The following ZNF780A variants were observed in gnomAD, a reference collection of about 807,000 sequenced individuals.
The protein encoded by ZNF780A is zinc finger protein 780A.
In ZNF780A, 40 loss-of-function variants were observed where a neutral mutation model predicts 56.7. The observed-to-expected ratio is 0.71, with a 90% CI of 0.55 to 0.92. ZNF780A has a LOEUF of 0.92. Ranked by LOEUF, ZNF780A falls within the 40% of genes least tolerant of loss-of-function variation. ZNF780A has a pLI of 0.00. For missense variants in ZNF780A, 672 were observed against 783.3 expected (o/e 0.86, Z 1.70); for synonymous variants, 231 against 248.3 (o/e 0.93, Z 0.66).
chr19:40,083,052 G>A, intron 4 of ZNF780A, 59 bp downstream of exon 4: 1 of 1,613,116 alleles, frequency 6.2e-7, no homozygotes, highest in Admixed American at 1.7e-5. Flanking sequence ...AATTCACGGT[G>A]AAGAAAGCTG....
At chr19:40,077,882 C>CAA (rs1212498266) in intron 5 of ZNF780A, among the ~76,000 whole-genome samples, 7 of 111,626 alleles carry the variant, frequency 6.3e-5, no homozygotes, top group East Asian at 2.5e-4. Flanking sequence ...CAGGAAATAA[C>CAA]AAAAAAAAAA....
Position 40,075,686 on chromosome 19 carries a change from C to G in ZNF780A, c.756G>C (p.Lys252Asn). 6.2e-7 allele frequency: 1 copy of G among 1,614,086 alleles called. No homozygotes were observed. Among genetic ancestry groups the G allele is most frequent in the Non-Finnish European group, 8.5e-7 (1 of 1,180,020 alleles). The stretch of plus-strand genomic sequence containing the variant: ...TACGATTAAAGGACTTCCCACATTC[C>G]TTACATTCAAACAGTTTCTCACCTG... ...IHTGEKLFEC[K>N]ECGKSFNRSS... The change falls in exon 6 of 6, where the codon AAG becomes AAC. Residue 252 changes from lysine (K) to asparagine (N), a missense_variant. Coordinates refer to ENST00000683561, the MANE Select transcript of ZNF780A (RefSeq NM_001142578.2).
intron 4 of ZNF780A, among the ~76,000 whole-genome samples, chr19:40,082,337 C>T (rs987043811): frequency 1.3e-5 from 2 of 152,144 alleles, no homozygotes; most frequent in Non-Finnish European, 2.9e-5. Flanking sequence ...ATGCAAAATA[C>T]TTCTAACATT....
downstream of ZNF780A, chr19:40,070,970 G>A (rs1267470630): frequency 6.6e-6 from 1 of 152,090 alleles, no homozygotes; most frequent in Non-Finnish European, 1.5e-5. Context: ...ATAAAAAATA[G>A]GAACATGAGA....
chr19:40,086,665 C>A lies in ZNF780A; in HGVS notation c.-45-1867G>T, dbSNP rs1228258878. Among the ~76,000 whole-genome samples the A allele has an allele frequency of 2.6e-5, 4 of 152,230 alleles. No homozygotes were observed. In the East Asian group the frequency reaches 5.8e-4, roughly 22 times the overall value. ...TTCTTATAGAATTCTTATACAAAAACCCTATCTTAGTATATGGGATTCATA... is the reference window on the plus strand; with the variant it reads ...TTCTTATAGAATTCTTATACAAAAAACCTATCTTAGTATATGGGATTCATA... On this transcript the variant is annotated intron_variant, in intron 2 of 5. Coordinates refer to ENST00000683561, the MANE Select transcript of ZNF780A (RefSeq NM_001142578.2).
At chr19:40,083,342 A>G in intron 3 of ZNF780A, 105 bp from the exon 4 acceptor site, 1 of 1,520,472 alleles carries the variant, frequency 6.6e-7, no homozygotes, top group Non-Finnish European at 8.9e-7. Flanking sequence ...CAATATGGAA[A>G]TTCACAGAGT....
At chr19:40,081,650 G>A (rs1322210470) in intron 5 of ZNF780A, among the ~76,000 whole-genome samples, 169 bp downstream of exon 5, 2 of 152,128 alleles carry the variant, frequency 1.3e-5, no homozygotes, top group Non-Finnish European at 2.9e-5. Context: ...CCTTGGTGAT[G>A]GCTTCTGCTG....
chr19:40,072,847 G>A (rs1255761997), downstream of ZNF780A: 1 of 1,528,930 alleles, frequency 6.5e-7, no homozygotes, highest in East Asian at 2.5e-5. Flanking sequence ...CAAAATTTGA[G>A]CGCCTACATT....
At position 40,075,239 on chromosome 19, in the gene ZNF780A, G is replaced by A; in HGVS notation, c.1203C>T (p.Ser401=). Residue 401 remains serine (S), a synonymous_variant, in exon 6 of 6, where the codon AGC becomes AGT. Transcript: ENST00000683561. Reference sequence around the variant, plus strand: ...TACTCTGATGTTGAACAAGGTTTGAGCTACGATTAAAGGACTTCCCACATT... The same window carrying A: ...TACTCTGATGTTGAACAAGGTTTGAACTACGATTAAAGGACTTCCCACATT... ...CKECGKSFNR[S]SNLVQHQSIH... 1.2e-6 allele frequency: 2 copies of A among 1,612,518 alleles called. No homozygotes were observed. Among genetic ancestry groups the A allele is most frequent in the African/African-American group, 1.3e-5 (1 of 74,534 alleles).
rs528210905 is a variant in ZNF780A at position 40,078,200 on chromosome 19, G to A, written c.233-1991C>T. Among the ~76,000 whole-genome samples the A allele has an allele frequency of 4.6e-5, 7 of 151,842 alleles. No homozygotes were observed. The South Asian group carries it at 1.5e-3, about 32-fold the overall frequency. On this transcript the variant is annotated intron_variant, in intron 5 of 5. Coordinates refer to ENST00000683561, the MANE Select transcript of ZNF780A (RefSeq NM_001142578.2). Reference sequence around the variant, plus strand: ...CAACAACAGACTAGATCAAGTAGAAGAATCTCAGAACATAAAGCCAATTCT... The same window carrying A: ...CAACAACAGACTAGATCAAGTAGAAAAATCTCAGAACATAAAGCCAATTCT...
At chr19:40,083,318 G>A (rs945740356) in intron 3 of ZNF780A, 81 bp from the exon 4 acceptor site, 9 of 1,571,498 alleles carry the variant, frequency 5.7e-6, no homozygotes, top group Non-Finnish European at 7.8e-6. Flanking sequence ...AAGGAGTGTA[G>A]TGTAAGAAAA....
In ZNF780A at chr19:40,081,132, CT is replaced by C. The variant is rs565181268; in HGVS notation, c.232+686del. Among the ~76,000 whole-genome samples the C allele has an allele frequency of 3.3e-5, 5 of 151,622 alleles. No individual in the cohort carries two copies. The South Asian group carries it at 1.0e-3, about 32-fold the overall frequency. On this transcript the variant is annotated intron_variant, in intron 5 of 5. Transcript: ENST00000683561. ...AAACGCTTCTGCAGAGCAAAGGAAACTATCATCGGAGGGAATAGACAAAATT... is the reference window on the plus strand; with the variant it reads ...AAACGCTTCTGCAGAGCAAAGGAAACATCATCGGAGGGAATAGACAAAATT...
chr19:40,071,736 A>T (rs1217728208), downstream of ZNF780A: 1 of 152,458 alleles, frequency 6.6e-6, no homozygotes, highest in Non-Finnish European at 1.5e-5. Flanking sequence ...CTGACAGTGA[A>T]ATATGCCATA....
rs1190379597 is a variant in ZNF780A, at chr19:40,075,981, TGAG to T, written c.458_460del (p.Pro153del). On this transcript the variant is annotated inframe_deletion, in exon 6 of 6. Coordinates refer to ENST00000683561, the MANE Select transcript of ZNF780A (RefSeq NM_001142578.2). ...ATGTGTATTGCAAATAAGAGAAGCA[TGAG>T]GAGTATGAGTAGGCAGTTTTTCATA... is the stretch of plus-strand genomic sequence containing the variant. 6.2e-7 allele frequency: 1 copy of T among 1,613,246 alleles called. No individual in the cohort carries two copies. Among genetic ancestry groups the T allele is most frequent in the African/African-American group, 1.3e-5 (1 of 74,972 alleles).
chr19:40,080,634 T>C (rs1375397398), intron 5 of ZNF780A, among the ~76,000 whole-genome samples: 1 of 151,992 alleles, frequency 6.6e-6, no homozygotes, highest in Admixed American at 6.6e-5. Flanking sequence ...CGAGTACACA[T>C]GGACACAAAG....
downstream of ZNF780A, chr19:40,069,698 A>AT (rs1415797818): frequency 6.6e-5 from 10 of 152,120 alleles, no homozygotes; most frequent in Non-Finnish European, 1.5e-4. Context: ...CAAAAGATAA[A>AT]TGGTTATAAA....
rs370443987 is a variant in ZNF780A at position 40,084,788 on chromosome 19, G to A, written c.-35C>T. The stretch of plus-strand genomic sequence containing the variant: ...ATTACAAAACTGGTCAATCTTCCTC[G>A]GGCTTCTCCCCTGGAAAACAACAAC... On this transcript the variant is annotated 5_prime_UTR_variant, in exon 3 of 6. Transcript: ENST00000683561. 2.0e-4 allele frequency: 311 copies of A among 1,553,016 alleles called. 1 individual carries two copies. In the African/African-American group the frequency reaches 3.6e-3, roughly 18 times the overall value.
downstream of ZNF780A, chr19:40,071,295 GT>G (rs930024328): frequency 2.6e-5 from 4 of 152,116 alleles, no homozygotes; most frequent in African/African-American, 9.7e-5. Context: ...ATGGTATCAT[GT>G]TTTATAGCTT....
chr19:40,074,604 A>G lies in ZNF780A; in HGVS notation c.1838T>C (p.Phe613Ser), dbSNP rs1418517285. ...AACCTTTCCACATTCCTTACATTCAAAGGGTTTCTCACCAGTATGCAATTT... is the reference window on the plus strand; with the variant it reads ...AACCTTTCCACATTCCTTACATTCAGAGGGTTTCTCACCAGTATGCAATTT... ...HQKLHTGEKP[F>S]ECKECGKVFS... The change falls in exon 6 of 6, where the codon TTT (phenylalanine) becomes TCT (serine). Residue 613 changes from phenylalanine to serine, a missense_variant. Phe to Ser is a radical substitution (Grantham distance 155). Transcript: ENST00000683561. 1 of 1,613,802 alleles carries G rather than the reference A, an allele frequency of 6.2e-7. No homozygotes were observed. The highest frequency in any genetic ancestry group is 1.7e-5 in the Admixed American group (1 of 59,998).
Sources: gnomAD v4.1 joint callset for allele counts (sites outside exome capture counted in the v4.1 genomes callset) on GRCh38, gnomAD v4.1.1 for gene constraint, MANE v1.5 for transcripts, NCBI Gene and HGNC (gene_info 2026-07-23, HGNC 2026-07-21) for gene names.